Variants in ADGB observed in about 807,000 individuals in gnomAD.
The protein encoded by ADGB is calpain-7-like protein.
A neutral mutation model predicts 210.5 loss-of-function variants in ADGB; 172 were observed. The observed-to-expected ratio is 0.82, with a 90% confidence interval of 0.72 to 0.93. The LOEUF is 0.93. ADGB is among the 40% of genes least tolerant of loss of function. The pLI, the probability that ADGB is intolerant of heterozygous loss-of-function variation, is 0.00. For synonymous variants in ADGB, 658 were observed against 662.7 expected (o/e 0.99, Z 0.11); for missense variants, 2,025 against 1,964.8 (o/e 1.03, Z -0.58).
At chr6:146,739,477 G>T (rs548781699) in intron 23 of ADGB, among the ~76,000 whole-genome samples, 3 of 152,198 alleles carry the variant, frequency 2.0e-5, no homozygotes, top group Non-Finnish European at 2.9e-5. Context: ...ATTTGTCTTT[G>T]TCACCATTTT....
chr6:146,669,283 A>G (rs985589840), intron 7 of ADGB, among the ~76,000 whole-genome samples: 12 of 152,130 alleles, frequency 7.9e-5, no homozygotes, highest in Non-Finnish European at 1.6e-4. Context: ...AGTCGAGCAG[A>G]TCAGAGATGC....
intron 2 of ADGB, among the ~76,000 whole-genome samples, chr6:146,640,805 A>T (rs569564658): frequency 6.6e-5 from 10 of 152,178 alleles, no homozygotes; most frequent in African/African-American, 2.4e-4. Context: ...AGCCAACGTT[A>T]TACTGAATGG....
At chr6:146,632,749 G>A (rs956641670) in intron 1 of ADGB, among the ~76,000 whole-genome samples, 1 of 151,984 alleles carries the variant, frequency 6.6e-6, no homozygotes, top group Non-Finnish European at 1.5e-5. Context: ...TTTGCCCTAG[G>A]TCCCTGACTT....
At chr6:146,620,523 A>G (rs943448331) in intron 1 of ADGB, among the ~76,000 whole-genome samples, 9 of 151,666 alleles carry the variant, frequency 5.9e-5, no homozygotes, top group African/African-American at 2.2e-4. Flanking sequence ...TATATGTTCC[A>G]TCTTCAAGCT....
chr6:146,655,161 T>C (rs1407950741), intron 4 of ADGB, among the ~76,000 whole-genome samples: 1 of 152,154 alleles, frequency 6.6e-6, no homozygotes, highest in East Asian at 1.9e-4. Flanking sequence ...GAGCCTCTGT[T>C]CTCCTGCCCC....
intron 23 of ADGB, among the ~76,000 whole-genome samples, chr6:146,738,208 A>C (rs527868105): frequency 6.6e-6 from 1 of 152,300 alleles, no homozygotes; most frequent in South Asian, 2.1e-4. Flanking sequence ...TAAGGTAGAC[A>C]GGAAAAGTAC....
intron 26 of ADGB, among the ~76,000 whole-genome samples, chr6:146,746,507 C>T (rs538627799): frequency 7.2e-5 from 11 of 152,172 alleles, no homozygotes; most frequent in Non-Finnish European, 1.5e-4. Context: ...AGATTCCACT[C>T]TCTTTCATTA....
chr6:146,686,115 A>G (rs1583589596), intron 10 of ADGB, among the ~76,000 whole-genome samples: 2 of 152,084 alleles, frequency 1.3e-5, no homozygotes, highest in Non-Finnish European at 2.9e-5. Context: ...TCAAAAAGAA[A>G]GATACAGGAT....
intron 3 of ADGB, among the ~76,000 whole-genome samples, chr6:146,651,746 G>C (rs1379697784): frequency 6.6e-6 from 1 of 152,070 alleles, no homozygotes; most frequent in Non-Finnish European, 1.5e-5. Flanking sequence ...TAGCCCCTGG[G>C]ATTTTTAAGC....
At chr6:146,809,821 A>G (rs1778277502) in intron 35 of ADGB, among the ~76,000 whole-genome samples, 1 of 152,238 alleles carries the variant, frequency 6.6e-6, no homozygotes, top group Admixed American at 6.5e-5. Flanking sequence ...AATAGATTAA[A>G]GATTTAAATG....
chr6:146,614,866 T>C (rs771912220), intron 1 of ADGB, among the ~76,000 whole-genome samples: 1 of 152,138 alleles, frequency 6.6e-6, no homozygotes, highest in Non-Finnish European at 1.5e-5. Context: ...GCATGTCACA[T>C]GGCAAGAACA....
At chr6:146,803,531 T>C in intron 35 of ADGB, 1 of 1,591,182 alleles carries the variant, frequency 6.3e-7, no homozygotes, top group East Asian at 2.2e-5. Flanking sequence ...TCTGGGCTTT[T>C]CACAGTTTGT....
chr6:146,766,443 A>G (rs1777574686), intron 28 of ADGB, among the ~76,000 whole-genome samples: 1 of 150,254 alleles, frequency 6.7e-6, no homozygotes, highest in South Asian at 2.1e-4. Context: ...ATTAAATTAA[A>G]TTAAATTAAA....
At position 146,815,334 on chromosome 6, in the gene ADGB, G is replaced by C; in HGVS notation, c.*117G>C. On this transcript the variant is annotated 3_prime_UTR_variant, in exon 36 of 36. Coordinates refer to ENST00000397944, the MANE Select transcript of ADGB (RefSeq NM_024694.4). ...TGAAAATAGAAATTTCTCTTTCTTA[G>C]AAATATTTTAATGCTAACTTGTTAG... is the stretch of plus-strand genomic sequence containing the variant. 2.4e-6 allele frequency: 2 copies of C among 818,794 alleles called. No individual in the cohort carries two copies. Among genetic ancestry groups the C allele is most frequent in the East Asian group, 6.7e-5 (2 of 29,778 alleles). 50.7% of individuals were successfully genotyped at this position (818,794 alleles called of 1,614,324 possible).
chr6:146,627,210 A>G (rs1170875700), intron 1 of ADGB, among the ~76,000 whole-genome samples: 2 of 152,156 alleles, frequency 1.3e-5, no homozygotes, highest in African/African-American at 2.4e-5. Flanking sequence ...CTATATTAGT[A>G]TGATTGTTAG....
chr6:146,711,922 C>T (rs780534833), intron 13 of ADGB, among the ~76,000 whole-genome samples: 5 of 151,706 alleles, frequency 3.3e-5, no homozygotes, highest in Non-Finnish European at 4.4e-5. Flanking sequence ...TCAGGCATGG[C>T]GGTGCATGTC....
At chr6:146,813,822 CCTAA>C (rs776018088) in intron 35 of ADGB, among the ~76,000 whole-genome samples, 20 of 152,140 alleles carry the variant, frequency 1.3e-4, no homozygotes, top group Non-Finnish European at 2.5e-4. Context: ...CCATTTCCTC[CCTAA>C]CTCAGACAGC....
In ADGB at chr6:146,752,695, G is replaced by A. The variant is rs1756952326; in HGVS notation, c.3531G>A (p.Glu1177=). ...IIPAFHFLKS[E]KGLSSQSSKH... ...CAGCATTTCACTTCTTGAAGAGTGA[G>A]AAAGGTTTGAGCTCCCAGTGTAAGT... The change falls in exon 27 of 36, where the codon GAG becomes GAA. Residue 1177 remains glutamate (E), a synonymous_variant. Coordinates refer to ENST00000397944, the MANE Select transcript of ADGB (RefSeq NM_024694.4). The A allele has an allele frequency of 6.5e-7, 1 of 1,549,978 alleles. No individual in the cohort carries two copies. The highest frequency in any genetic ancestry group is 8.7e-7 in the Non-Finnish European group (1 of 1,146,074).
intron 13 of ADGB, among the ~76,000 whole-genome samples, chr6:146,714,925 G>T (rs926691100): frequency 6.6e-6 from 1 of 152,110 alleles, no homozygotes; most frequent in Non-Finnish European, 1.5e-5. Flanking sequence ...TAAAACAAAA[G>T]TTATACACAT....
Sources: gnomAD v4.1 joint callset for allele counts (sites outside exome capture counted in the v4.1 genomes callset) on GRCh38, gnomAD v4.1.1 for gene constraint, MANE v1.5 for transcripts, NCBI Gene and HGNC (gene_info 2026-07-23, HGNC 2026-07-21) for gene names.